EPPK1: variants seen among roughly 807,000 people sequenced by gnomAD.
EPPK1 encodes the protein epiplakin.
For missense variants in EPPK1, 3,823 were observed against 3,673.3 expected, an observed-to-expected ratio of 1.04 and a Z score of -1.05; for synonymous variants, 1,862 against 1,721.2, an observed-to-expected ratio of 1.08 and a Z score of -2.03.
rs782568843 is a variant in EPPK1, at chr8:143,871,921, C to T, written c.1333G>A (p.Gly445Ser). 2.1e-5 allele frequency: 34 copies of T among 1,604,886 alleles called. No individual in the cohort carries two copies. Among genetic ancestry groups the T allele is most frequent in the South Asian group, 7.7e-5 (7 of 90,966 alleles). Residue 445 changes from glycine to serine, a missense_variant, in exon 2 of 2, where the codon GGC (glycine) becomes AGC (serine). Gly to Ser is a moderately conservative substitution (Grantham distance 56, BLOSUM62 0). Transcript: ENST00000615648. Reference protein sequence around the residue: ...AGSFSDGTHGGLRYEQLLALC... With the variant: ...AGSFSDGTHGSLRYEQLLALC... Reference sequence around the variant, plus strand: ...GCCAGCAGCTGTTCATAGCGCAGGCCGCCGTGCGTGCCGTCTGAGAAGCTG... The same window carrying T: ...GCCAGCAGCTGTTCATAGCGCAGGCTGCCGTGCGTGCCGTCTGAGAAGCTG...
Position 143,868,864 on chromosome 8 carries a change from C to T in EPPK1, c.4390G>A (p.Gly1464Arg), listed in dbSNP as rs782648760. 1.2e-5 allele frequency: 19 copies of T among 1,609,882 alleles called. No homozygotes were observed. Among genetic ancestry groups the T allele is most frequent in the Middle Eastern group, 3.3e-4 (2 of 6,084 alleles). Residue 1464 changes from glycine to arginine, a missense_variant, in exon 2 of 2, where the codon GGG becomes AGG. Physicochemically the swap from Gly to Arg is moderately radical, Grantham distance 125. Transcript: ENST00000615648. ...KVPVSTGRFK[G>R]CSVSLWDLLL... ...AGGTCCCAGAGTGACACGCTACACC[C>T]CTTAAACCTCCCTGTGCTGACGGGC... is the stretch of plus-strand genomic sequence containing the variant.
Position 143,868,382 on chromosome 8 carries a change from G to A in EPPK1, c.4872C>T (p.Thr1624=), listed in dbSNP as rs561580729. 3.0e-5 allele frequency: 49 copies of A among 1,612,638 alleles called. No homozygotes were observed. The highest frequency in any genetic ancestry group is 1.1e-4 in the East Asian group (5 of 44,892). Residue 1624 remains threonine, a synonymous_variant, in exon 2 of 2, where the codon ACC becomes ACT. Coordinates refer to ENST00000615648, the MANE Select transcript of EPPK1 (RefSeq NM_031308.4). ...IIDPVENRKL[T]VEEAFKAGMF... is the part of the protein sequence containing the mutation. ...TTCCTGCTTTGAACGCCTCCTCCAC[G>A]GTCAGCTTCCGGTTCTCCACGGGGT...
At position 143,874,715 on chromosome 8, in the gene EPPK1, G is replaced by T. The variant is rs1586703609; in HGVS notation, c.-45-1417C>A. 2.6e-5 allele frequency among the ~76,000 whole-genome samples: 4 copies of T among 152,138 alleles called. No homozygotes were observed. The South Asian group carries it at 8.3e-4, about 32-fold the overall frequency. On this transcript the variant is annotated intron_variant, in intron 1 of 1. Transcript: ENST00000615648. ...CTGTGCCCACCCACCCAGGAGCAGG[G>T]TCTGCTCCCCGTTTTCTCAGCACTA...
chr8:143,875,864 C>T (rs1819467398), intron 1 of EPPK1, among the ~76,000 whole-genome samples: 1 of 152,226 alleles, frequency 6.6e-6, no homozygotes, highest in Admixed American at 6.5e-5. Context: ...TATACCACTC[C>T]AGAACGTGGC....
At position 143,866,763 on chromosome 8, in the gene EPPK1, T is replaced by C; in HGVS notation, c.6491A>G (p.Lys2164Arg). Reference sequence around the variant, plus strand: ...CAGGTGTTTGTTGCTGGTTTCCTGCTTCTCGATCAACTCTAAGATGAGCTG... The same window carrying C: ...CAGGTGTTTGTTGCTGGTTTCCTGCCTCTCGATCAACTCTAAGATGAGCTG... ...VAQLILELIE[K>R]QETSNKHLWF... The change falls in exon 2 of 2, where the codon AAG becomes AGG. Residue 2164 changes from lysine to arginine, a missense_variant. Transcript: ENST00000615648. The C allele has an allele frequency of 6.2e-7, 1 of 1,613,512 alleles. No individual in the cohort carries two copies. The highest frequency in any genetic ancestry group is 8.5e-7 in the Non-Finnish European group (1 of 1,179,876).
In EPPK1 at chr8:143,870,691, G is replaced by A. The variant is rs782780393; in HGVS notation, c.2563C>T (p.Arg855Trp). The A allele has an allele frequency of 2.2e-5, 36 of 1,609,646 alleles. No individual in the cohort carries two copies. Among genetic ancestry groups the A allele is most frequent in the Admixed American group, 3.4e-5 (2 of 59,690 alleles). The change falls in exon 2 of 2, where the codon CGG becomes TGG. Residue 855 changes from arginine to tryptophan, a missense_variant. Transcript: ENST00000615648. The surrounding 1 kb of genome is among the most constrained non-coding windows in gnomAD (Gnocchi z 5.2). ...TGCCCCAGCGTGACCTCGCGCTGCCGGTAGCGACGCAGCAGCTGCCTCCTG... is the reference window on the plus strand; with the variant it reads ...TGCCCCAGCGTGACCTCGCGCTGCCAGTAGCGACGCAGCAGCTGCCTCCTG... The part of the protein sequence containing the change: ...GRRRQLLRRY[R>W]QREVTLGQVA...
At position 143,871,254 on chromosome 8, in the gene EPPK1, GCCT is replaced by G. The variant is rs782116094; in HGVS notation, c.1997_1999del (p.Glu666del). 31 of 1,612,960 alleles carry G rather than the reference GCCT, an allele frequency of 1.9e-5. No individual in the cohort carries two copies. The South Asian group carries it at 2.7e-4, about 14-fold the overall frequency. On this transcript the variant is annotated inframe_deletion, in exon 2 of 2. Coordinates refer to ENST00000615648, the MANE Select transcript of EPPK1 (RefSeq NM_031308.4). Reference sequence around the variant, plus strand: ...AGGCCCAATGACAGCAGCCCTCAGTGCCTCCTCAACGGAGTGCCCCTTGTTTGC... The same window carrying G: ...AGGCCCAATGACAGCAGCCCTCAGTGCCTCAACGGAGTGCCCCTTGTTTGC...
rs1818924200 is a variant in EPPK1 at position 143,857,869 on chromosome 8, G to C, written c.*118C>G. The C allele has an allele frequency of 1.3e-6, 1 of 760,560 alleles. No individual in the cohort carries two copies. The highest frequency in any genetic ancestry group is 2.9e-5 in the East Asian group (1 of 34,918). The allele number at this position is 760,560 out of a possible 1,614,324, so 47.1% of individuals were successfully genotyped here. ...AAAACGTTTTCCACAGATAACGAAT[G>C]GGTAAAACAACAAAATTAAAGAATG... On this transcript the variant is annotated 3_prime_UTR_variant, in exon 2 of 2. Coordinates refer to ENST00000615648, the MANE Select transcript of EPPK1 (RefSeq NM_031308.4).
In EPPK1 at chr8:143,866,940, G is replaced by A. The variant is rs1554659248; in HGVS notation, c.6314C>T (p.Ala2105Val). 1 of 1,612,868 alleles carries A rather than the reference G, an allele frequency of 6.2e-7. No individual in the cohort carries two copies. The highest frequency in any genetic ancestry group is 1.7e-5 in the Admixed American group (1 of 60,024). Residue 2105 changes from alanine (A) to valine (V), a missense_variant, in exon 2 of 2, where the codon GCA becomes GTA. Ala to Val is a moderately conservative substitution (Grantham distance 64). Coordinates refer to ENST00000615648, the MANE Select transcript of EPPK1 (RefSeq NM_031308.4). Reference sequence around the variant, plus strand: ...TCCCACTGTGATTTCCACTTGCTCTGCCTCCAGGGCCCTTCTCGTCTCGTC... The same window carrying A: ...TCCCACTGTGATTTCCACTTGCTCTACCTCCAGGGCCCTTCTCGTCTCGTC... ...IDDETRRALEAEQVEITVGRF... is the reference protein window; with the variant it reads ...IDDETRRALEVEQVEITVGRF...
chr8:143,873,469 G>A (rs1819422497), intron 1 of EPPK1, among the ~76,000 whole-genome samples, 171 bp from the exon 2 acceptor site: 2 of 152,180 alleles, frequency 1.3e-5, no homozygotes, highest in South Asian at 2.1e-4. Flanking sequence ...TGCCGCGGGG[G>A]TGCCAAGGGA....
intron 1 of EPPK1, among the ~76,000 whole-genome samples, chr8:143,878,221 C>T (rs1381338702): frequency 6.6e-6 from 1 of 151,920 alleles, no homozygotes; most frequent in Non-Finnish European, 1.5e-5. Flanking sequence ...CTCAAATTGC[C>T]CAGGGCGGGA....
upstream of EPPK1, among the ~76,000 whole-genome samples, chr8:143,878,689 G>A (rs1436334559): frequency 6.6e-6 from 1 of 151,962 alleles, no homozygotes; most frequent in African/African-American, 2.4e-5. Flanking sequence ...AGGAACGCAG[G>A]GCGGGCGCGG....
In EPPK1 at chr8:143,865,379, G is replaced by C. The variant is rs1819082883; in HGVS notation, c.7875C>G (p.Ala2625=). The change falls in exon 2 of 2, where the codon GCC becomes GCG. Residue 2625 remains alanine, a synonymous_variant. Transcript: ENST00000615648. ...GGGCGGCGGCGGCGGCGGCGGCGGC[G>C]GCGGCCTCCTGGGTCTCGCCCTCCC... is the stretch of plus-strand genomic sequence containing the variant. ...GQGEGETQEA[A]AAAAAAAARR... is the part of the protein sequence containing the mutation. The C allele has an allele frequency of 3.0e-6, 1 of 336,950 alleles. No individual in the cohort carries two copies. Among genetic ancestry groups the C allele is most frequent in the Non-Finnish European group, 4.7e-6 (1 of 214,106 alleles). 20.9% of individuals were successfully genotyped at this position (336,950 alleles called of 1,614,324 possible).
chr8:143,868,257 G>C lies in EPPK1; in HGVS notation c.4997C>G (p.Ala1666Gly), dbSNP rs1554659842. The C allele has an allele frequency of 6.2e-7, 1 of 1,613,128 alleles. No individual in the cohort carries two copies. Among genetic ancestry groups the C allele is most frequent in the African/African-American group, 1.3e-5 (1 of 74,958 alleles). Residue 1666 changes from alanine to glycine, a missense_variant, in exon 2 of 2, where the codon GCC becomes GGC. Physicochemically the swap from Ala to Gly is moderately conservative, Grantham distance 60 (BLOSUM62 0). Coordinates refer to ENST00000615648, the MANE Select transcript of EPPK1 (RefSeq NM_031308.4). The part of the protein sequence containing the change: ...YTGQQISLFQ[A>G]MQKDLIVREH... ...CCGGACGATGAGGTCCTTCTGCATG[G>C]CCTGGAAGAGGGAGATCTGCTGCCC...
chr8:143,877,928 C>T (rs904858319), intron 1 of EPPK1, among the ~76,000 whole-genome samples: 153 of 152,172 alleles, frequency 1.0e-3, no homozygotes, highest in Middle Eastern at 3.4e-3. Flanking sequence ...GGAGTGGCCA[C>T]CCCTGGGACC....
chr8:143,866,776 C>T lies in EPPK1; in HGVS notation c.6478G>A (p.Glu2160Lys). ...ALQTVAQLILELIEKQETSNK... is the reference protein window; with the variant it reads ...ALQTVAQLILKLIEKQETSNK... Reference sequence around the variant, plus strand: ...CTGGTTTCCTGCTTCTCGATCAACTCTAAGATGAGCTGCGCTACCGTCTGC... The same window carrying T: ...CTGGTTTCCTGCTTCTCGATCAACTTTAAGATGAGCTGCGCTACCGTCTGC... The change falls in exon 2 of 2, where the codon GAG (glutamate) becomes AAG (lysine). Residue 2160 changes from glutamate (E) to lysine (K), a missense_variant. Glu to Lys is a moderately conservative substitution (Grantham distance 56, BLOSUM62 1). Transcript: ENST00000615648. 1 of 1,613,506 alleles carries T rather than the reference C, an allele frequency of 6.2e-7. No homozygotes were observed. Among genetic ancestry groups the T allele is most frequent in the Non-Finnish European group, 8.5e-7 (1 of 1,179,880 alleles).
At position 143,867,480 on chromosome 8, in the gene EPPK1, G is replaced by C. The variant is rs1554659494; in HGVS notation, c.5774C>G (p.Ala1925Gly). 6.2e-7 allele frequency: 1 copy of C among 1,612,644 alleles called. No homozygotes were observed. Among genetic ancestry groups the C allele is most frequent in the African/African-American group, 1.3e-5 (1 of 75,036 alleles). ...CGCCTCCAGCAGCCAAGTCGCAAAT[G>C]CTGCAGGGATGAGCTCCTTCCTGCT... Reference protein sequence around the residue: ...EASRKELIPAAFATWLLEAQA... With the variant: ...EASRKELIPAGFATWLLEAQA... The change falls in exon 2 of 2, where the codon GCA becomes GGA. Residue 1925 changes from alanine (A) to glycine (G), a missense_variant. Coordinates refer to ENST00000615648, the MANE Select transcript of EPPK1 (RefSeq NM_031308.4).
Position 143,872,992 on chromosome 8 carries a change from C to A in EPPK1, c.262G>T (p.Ala88Ser), listed in dbSNP as rs782397354. 2.5e-6 allele frequency: 4 copies of A among 1,581,242 alleles called. No individual in the cohort carries two copies. The African/African-American group carries it at 4.1e-5, about 16-fold the overall frequency. The change falls in exon 2 of 2, where the codon GCC becomes TCC. Residue 88 changes from alanine (A) to serine (S), a missense_variant. Transcript: ENST00000615648. ...GACACAGGGAGCAGCTGGCCCCGGG[C>A]GAGGTCCACCAGGCCCCCAGTGGCT... is the stretch of plus-strand genomic sequence containing the variant. ...QAATGGLVDLARGQLLPVSKA... is the reference protein window; with the variant it reads ...QAATGGLVDLSRGQLLPVSKA...
chr8:143,873,054 G>A lies in EPPK1; in HGVS notation c.200C>T (p.Pro67Leu). 1 of 1,562,918 alleles carries A rather than the reference G, an allele frequency of 6.4e-7. No homozygotes were observed. ...VYAAMEQGLL[P>L]AGLGQALLEA... The stretch of plus-strand genomic sequence containing the variant: ...TAGCAGAGCCTGCCCGAGCCCAGCA[G>A]GCAGGAGGCCCTGCTCCATGGCGGC... The change falls in exon 2 of 2, where the codon CCT (proline) becomes CTT (leucine). Residue 67 changes from proline to leucine, a missense_variant. By Grantham distance (98) the Pro-to-Leu change is moderately conservative. Transcript: ENST00000615648.
Sources: gnomAD v4.1 joint callset for allele counts (sites outside exome capture counted in the v4.1 genomes callset) on GRCh38, gnomAD v4.1.1 for gene constraint, Gnocchi (gnomAD v3.1) non-coding constraint, MANE v1.5 for transcripts, NCBI Gene and HGNC (gene_info 2026-07-23, HGNC 2026-07-21) for gene names.